Variants in SLC7A4 observed in about 807,000 individuals in gnomAD.
SLC7A4 encodes cationic amino acid transporter 4.
A neutral mutation model predicts 37.8 loss-of-function variants in SLC7A4; 30 were observed. The ratio of observed to expected loss-of-function variants is 0.79; its 90% CI spans 0.59 to 1.08. The LOEUF is 1.08. Ranked by LOEUF, SLC7A4 falls within the 50% of genes least tolerant of loss-of-function variation. The pLI is 0.00. For missense variants in SLC7A4, 839 were observed against 843.2 expected (o/e 1.00, Z 0.06); for synonymous variants, 359 against 376.5 (o/e 0.95, Z 0.54).
In SLC7A4 at chr22:21,030,246, C is replaced by A. The variant is rs146848986; in HGVS notation, c.1088G>T (p.Arg363Leu). ...FFQVFAHVHP[R>L]TQVPVAGTLA... Reference sequence around the variant, plus strand: ...GGTGCCCGCCACAGGCACCTGTGTCCGGGGGTGCACATGGGCAAACACCTG... The same window carrying A: ...GGTGCCCGCCACAGGCACCTGTGTCAGGGGGTGCACATGGGCAAACACCTG... Residue 363 changes from arginine (R) to leucine (L), a missense_variant, in exon 3 of 5, where the codon CGG (arginine) becomes CTG (leucine). Coordinates refer to ENST00000382932, the MANE Select transcript of SLC7A4 (RefSeq NM_004173.3). 6.2e-7 allele frequency: 1 copy of A among 1,613,810 alleles called. No individual in the cohort carries two copies. Among genetic ancestry groups the A allele is most frequent in the South Asian group, 1.1e-5 (1 of 91,076 alleles).
In SLC7A4 at chr22:21,028,882, C is replaced by G. The variant is rs925765884; in HGVS notation, c.*173G>C. The G allele has an allele frequency of 1.6e-5, 10 of 622,078 alleles. No individual in the cohort carries two copies. In the Admixed American group the frequency reaches 2.7e-4, roughly 17 times the overall value. 38.5% of individuals were successfully genotyped at this position (622,078 alleles called of 1,614,324 possible). On this transcript the variant is annotated 3_prime_UTR_variant, in exon 5 of 5. Coordinates refer to ENST00000382932, the MANE Select transcript of SLC7A4 (RefSeq NM_004173.3). ...GCACCAGCACCAGCCAAGGCCCACT[C>G]CTGAAGACCCGAAGCCCAGCCCCTG...
At position 21,030,128 on chromosome 22, in the gene SLC7A4, G is replaced by A. The variant is rs1244341200; in HGVS notation, c.1206C>T (p.Tyr402=). The A allele has an allele frequency of 1.1e-5, 18 of 1,613,586 alleles. No homozygotes were observed. Among genetic ancestry groups the A allele is most frequent in the Non-Finnish European group, 1.4e-5 (16 of 1,179,884 alleles). Residue 402 remains tyrosine, a synonymous_variant, in exon 3 of 5, where the codon TAC becomes TAT. Coordinates refer to ENST00000382932, the MANE Select transcript of SLC7A4 (RefSeq NM_004173.3). ...CAATGATACTGGTGGCCACGAATGT[G>A]TAGGCCAGGAGTGTGCCAAGGGACA... The part of the protein sequence containing the change: ...QFLSLGTLLA[Y]TFVATSIIVL...
chr22:21,029,729 A>C lies in SLC7A4; in HGVS notation c.1605T>G (p.Tyr535Ter). ...LLVLGAHQQQ[Y>*]REDLFQIPMV... ...GAGGTACCTGAAATAAGTCTTCCCG[A>C]TACTGTTGCTGGTGAGCCCCCAGGA... is the stretch of plus-strand genomic sequence containing the variant. The change falls in exon 3 of 5, where the codon TAT becomes TAG. Residue 535 changes from tyrosine (Y) to a stop codon, truncating the protein, a stop_gained. Coordinates refer to ENST00000382932, the MANE Select transcript of SLC7A4 (RefSeq NM_004173.3). LOFTEE classifies it high-confidence loss of function. 2 of 1,612,518 alleles carry C rather than the reference A, an allele frequency of 1.2e-6. No individual in the cohort carries two copies. The highest frequency in any genetic ancestry group is 1.7e-6 in the Non-Finnish European group (2 of 1,179,708).
chr22:21,030,006 T>C lies in SLC7A4; in HGVS notation c.1328A>G (p.Gln443Arg), dbSNP rs142888006. The C allele has an allele frequency of 7.7e-5, 124 of 1,613,700 alleles. No individual in the cohort carries two copies. In the African/African-American group the frequency reaches 1.3e-3, roughly 17 times the overall value. Reference sequence around the variant, plus strand: ...GGAGGCGTGTACAGTGCCCACCAGCTGTAGGTGGTCTGAGAAGGAGCTCTG... The same window carrying C: ...GGAGGCGTGTACAGTGCCCACCAGCCGTAGGTGGTCTGAGAAGGAGCTCTG... ...KQQSSFSDHL[Q>R]LVGTVHASVP... The change falls in exon 3 of 5, where the codon CAG (glutamine) becomes CGG (arginine). Residue 443 changes from glutamine (Q) to arginine (R), a missense_variant. Gln to Arg is a conservative substitution (Grantham distance 43, BLOSUM62 1). Coordinates refer to ENST00000382932, the MANE Select transcript of SLC7A4 (RefSeq NM_004173.3).
In SLC7A4 at chr22:21,031,383, TAG is replaced by T; in HGVS notation, c.428_429del (p.Ser143TyrfsTer11). ...AAGTTGCGGATGCTGTGGCTGAACA[TAG>T]AGTCCAGGTAGCCACTCCAGGCACG... ...VARAWSGYLD[S>X]MFSHSIRNFT... On this transcript the variant is annotated frameshift_variant, in exon 2 of 5. Transcript: ENST00000382932. LOFTEE classifies it high-confidence loss of function. 2 of 1,610,584 alleles carry T rather than the reference TAG, an allele frequency of 1.2e-6. No homozygotes were observed. Among genetic ancestry groups the T allele is most frequent in the Non-Finnish European group, 1.7e-6 (2 of 1,178,890 alleles).
chr22:21,032,148 G>A (rs1466553715), intron 1 of SLC7A4, among the ~76,000 whole-genome samples: 1 of 152,192 alleles, frequency 6.6e-6, no homozygotes, highest in Non-Finnish European at 1.5e-5. Context: ...GCTCCAGGGG[G>A]AGCAGGGTGA....
chr22:21,030,438 G>A, intron 2 of SLC7A4, 87 bp from the exon 3 acceptor site: 1 of 1,343,712 alleles, frequency 7.4e-7, no homozygotes. Flanking sequence ...GTGGCTCCTT[G>A]GGAACAAGGG....
At chr22:21,030,454 G>A in intron 2 of SLC7A4, 103 bp from the exon 3 acceptor site, 2 of 1,145,160 alleles carry the variant, frequency 1.7e-6, no homozygotes, top group Non-Finnish European at 2.5e-6. Context: ...AAGGGCATGA[G>A]CTTGTCTGGG....
In SLC7A4 at chr22:21,029,138, G is replaced by T. The variant is rs747612157; in HGVS notation, c.1825C>A (p.Pro609Thr). 1.2e-6 allele frequency: 2 copies of T among 1,613,916 alleles called. No homozygotes were observed. Among genetic ancestry groups the T allele is most frequent in the East Asian group, 4.5e-5 (2 of 44,878 alleles). ...GLNSTHYVVF[P>T]RGSLEETVQA... ...ACTGTCTCCTCCAGGCTGCCCCTGG[G>T]GAATACCACGTAGTGTGTGGAGTTC... is the stretch of plus-strand genomic sequence containing the variant. The change falls in exon 5 of 5, where the codon CCC (proline) becomes ACC (threonine). Residue 609 changes from proline to threonine, a missense_variant. Coordinates refer to ENST00000382932, the MANE Select transcript of SLC7A4 (RefSeq NM_004173.3).
At chr22:21,032,223 G>C (rs187088728) in intron 1 of SLC7A4, among the ~76,000 whole-genome samples, 2 of 152,152 alleles carry the variant, frequency 1.3e-5, no homozygotes, top group African/African-American at 2.4e-5. Flanking sequence ...CCCCAGAGTC[G>C]AGCCGGACCC....
chr22:21,030,890 G>C lies in SLC7A4; in HGVS notation c.923C>G (p.Ala308Gly). The change falls in exon 2 of 5, where the codon GCC becomes GGC. Residue 308 changes from alanine (A) to glycine (G), a missense_variant. Coordinates refer to ENST00000382932, the MANE Select transcript of SLC7A4 (RefSeq NM_004173.3). ...CCACCTGTAGCCCCGCTGGTAGAAG[G>C]CATCTGCAAGCGCTGAGTCGGGGTC... ...SLDPDSALAD[A>G]FYQRGYRWAG... 1 of 1,613,076 alleles carries C rather than the reference G, an allele frequency of 6.2e-7. No homozygotes were observed. Among genetic ancestry groups the C allele is most frequent in the East Asian group, 2.2e-5 (1 of 44,838 alleles).
At position 21,029,708 on chromosome 22, in the gene SLC7A4, T is replaced by C; in HGVS notation, c.1623+3A>G. ...GTGAGTGGGTGTTGGCTAGGGGAGG[T>C]ACCTGAAATAAGTCTTCCCGATACT... On this transcript the variant is annotated splice_donor_region_variant and intron_variant, in intron 3 of 4. Coordinates refer to ENST00000382932, the MANE Select transcript of SLC7A4 (RefSeq NM_004173.3). 1 of 1,605,522 alleles carries C rather than the reference T, an allele frequency of 6.2e-7. No homozygotes were observed. The highest frequency in any genetic ancestry group is 8.5e-7 in the Non-Finnish European group (1 of 1,176,092).
In SLC7A4 at chr22:21,031,756, G is replaced by A; in HGVS notation, c.57C>T (p.Asn19=). ...TGGAGTCCTCCAGCGGCTTCAGGCGGTTCAGCTTCTGGCATAAGCGTGCCA... is the reference window on the plus strand; with the variant it reads ...TGGAGTCCTCCAGCGGCTTCAGGCGATTCAGCTTCTGGCATAAGCGTGCCA... ...ASLARLCQKL[N]RLKPLEDSTM... Residue 19 remains asparagine (N), a synonymous_variant, in exon 2 of 5, where the codon AAC becomes AAT. Coordinates refer to ENST00000382932, the MANE Select transcript of SLC7A4 (RefSeq NM_004173.3). 1 of 1,575,784 alleles carries A rather than the reference G, an allele frequency of 6.3e-7. No individual in the cohort carries two copies. Among genetic ancestry groups the A allele is most frequent in the Non-Finnish European group, 8.6e-7 (1 of 1,162,162 alleles).
Position 21,030,212 on chromosome 22 carries a change from G to C in SLC7A4, c.1122C>G (p.Phe374Leu). ...TQVPVAGTLA[F>L]GLLTAFLALL... ...GTGCCAGGAAGGCCGTGAGGAGCCC[G>C]AACGCCAGGGTGCCCGCCACAGGCA... The change falls in exon 3 of 5, where the codon TTC becomes TTG. Residue 374 changes from phenylalanine to leucine, a missense_variant. Coordinates refer to ENST00000382932, the MANE Select transcript of SLC7A4 (RefSeq NM_004173.3). 6.2e-7 allele frequency: 1 copy of C among 1,613,552 alleles called. No individual in the cohort carries two copies. Among genetic ancestry groups the C allele is most frequent in the African/African-American group, 1.3e-5 (1 of 75,052 alleles).
In SLC7A4 at chr22:21,030,160, GA is replaced by G. The variant is rs1255576494; in HGVS notation, c.1173del (p.Gln392SerfsTer40). Reference protein sequence around the residue: ...LALLLDLESLVQFLSLGTLLA... With the variant: ...LALLLDLESLXQFLSLGTLLA... Reference sequence around the variant, plus strand: ...AGGAGTGTGCCAAGGGACAGGAACTGAACCAGCGACTCCAGGTCCAGCAGCA... The same window carrying G: ...AGGAGTGTGCCAAGGGACAGGAACTGACCAGCGACTCCAGGTCCAGCAGCA... On this transcript the variant is annotated frameshift_variant, in exon 3 of 5. Coordinates refer to ENST00000382932, the MANE Select transcript of SLC7A4 (RefSeq NM_004173.3). LOFTEE classifies it high-confidence loss of function. 6.2e-7 allele frequency: 1 copy of G among 1,612,228 alleles called. No individual in the cohort carries two copies. Among genetic ancestry groups the G allele is most frequent in the Non-Finnish European group, 8.5e-7 (1 of 1,179,508 alleles).
In SLC7A4 at chr22:21,029,990, T is replaced by C. The variant is rs2148114733; in HGVS notation, c.1344A>G (p.Val448=). 6.2e-7 allele frequency: 1 copy of C among 1,613,834 alleles called. No individual in the cohort carries two copies. The highest frequency in any genetic ancestry group is 8.5e-7 in the Non-Finnish European group (1 of 1,179,956). ...FSDHLQLVGT[V]HASVPEPGEL... ...CCCCTGGCTCAGGGACGGAGGCGTG[T>C]ACAGTGCCCACCAGCTGTAGGTGGT... Residue 448 remains valine, a synonymous_variant, in exon 3 of 5, where the codon GTA becomes GTG. Coordinates refer to ENST00000382932, the MANE Select transcript of SLC7A4 (RefSeq NM_004173.3).
rs142900677 is a variant in SLC7A4 at position 21,031,008 on chromosome 22, G to A, written c.805C>T (p.Pro269Ser). 27 of 1,614,004 alleles carry A rather than the reference G, an allele frequency of 1.7e-5. No individual in the cohort carries two copies. In the African/African-American group the frequency reaches 3.2e-4, roughly 19 times the overall value. ...EEAQNPRRSV[P>S]LAIAISLAIA... The stretch of plus-strand genomic sequence containing the variant: ...GCAAGCGAGATGGCGATGGCCAGAG[G>A]CACAGACCGCCGTGGGTTCTGGGCC... Residue 269 changes from proline (P) to serine (S), a missense_variant, in exon 2 of 5, where the codon CCT becomes TCT. Pro to Ser is a moderately conservative substitution (Grantham distance 74). Transcript: ENST00000382932.
rs1928817401 is a variant in SLC7A4 at position 21,029,787 on chromosome 22, A to G, written c.1547T>C (p.Leu516Pro). ...GCTGAGCAGAAACATGACACTGGTG[A>G]GCAGGAGCAGCAGGATGTAACCCCA... ...PHWGYILLLL[L>P]TSVMFLLSLL... The change falls in exon 3 of 5, where the codon CTC becomes CCC. Residue 516 changes from leucine to proline, a missense_variant. By Grantham distance (98) the Leu-to-Pro change is moderately conservative. Coordinates refer to ENST00000382932, the MANE Select transcript of SLC7A4 (RefSeq NM_004173.3). 2.5e-6 allele frequency: 4 copies of G among 1,613,404 alleles called. No individual in the cohort carries two copies. The East Asian group carries it at 8.9e-5, about 36-fold the overall frequency.
chr22:21,031,746 G>A lies in SLC7A4; in HGVS notation c.67C>T (p.Pro23Ser). The change falls in exon 2 of 5, where the codon CCG (proline) becomes TCG (serine). Residue 23 changes from proline to serine, a missense_variant. By Grantham distance (74) the Pro-to-Ser change is moderately conservative. Coordinates refer to ENST00000382932, the MANE Select transcript of SLC7A4 (RefSeq NM_004173.3). ...GTCTCCATGGTGGAGTCCTCCAGCG[G>A]CTTCAGGCGGTTCAGCTTCTGGCAT... ...RLCQKLNRLK[P>S]LEDSTMETSL... The A allele has an allele frequency of 6.3e-7, 1 of 1,587,416 alleles. No individual in the cohort carries two copies. Among genetic ancestry groups the A allele is most frequent in the Non-Finnish European group, 8.6e-7 (1 of 1,167,364 alleles).
Sources: gnomAD v4.1 joint callset for allele counts (sites outside exome capture counted in the v4.1 genomes callset) on GRCh38, gnomAD v4.1.1 for gene constraint, MANE v1.5 for transcripts, NCBI Gene and HGNC (gene_info 2026-07-23, HGNC 2026-07-21) for gene names.